Variants in ARNT2 observed in about 807,000 individuals in gnomAD.
The protein encoded by ARNT2 is aryl hydrocarbon receptor nuclear translocator 2, also known as ARNT protein 2.
In ARNT2, 36 loss-of-function variants were observed where a neutral mutation model predicts 91.7. The ratio of observed to expected loss-of-function variants is 0.39; its 90% CI spans 0.30 to 0.52. The LOEUF (loss-of-function observed/expected upper bound fraction) is 0.52. Ranked by LOEUF, ARNT2 falls within the 20% of genes least tolerant of loss-of-function variation. The pLI, the probability that ARNT2 is intolerant of heterozygous loss-of-function variation, is 0.72. For missense variants in ARNT2, 775 were observed against 939.3 expected (o/e 0.83, Z 2.29); for synonymous variants, 365 against 347.1 (o/e 1.05, Z -0.57).
At position 80,446,846 on chromosome 15, in the gene ARNT2, C is replaced by T. The variant is rs182743959; in HGVS notation, c.32-4034C>T. On this transcript the variant is annotated intron_variant, in intron 1 of 18. Coordinates refer to ENST00000303329, the MANE Select transcript of ARNT2 (RefSeq NM_014862.4). ...GACACTTACTATTTAAAAAGGGCTTCCCCTTCCTCTGTCTCTGTCTCATTC... is the reference window on the plus strand; with the variant it reads ...GACACTTACTATTTAAAAAGGGCTTTCCCTTCCTCTGTCTCTGTCTCATTC... 1.0e-3 allele frequency among the ~76,000 whole-genome samples: 156 copies of T among 152,274 alleles called. 1 individual carries two copies. Among genetic ancestry groups the T allele is most frequent in the Middle Eastern group, 0.01 (3 of 294 alleles).
intron 1 of ARNT2, among the ~76,000 whole-genome samples, chr15:80,416,482 C>T (rs909721676): frequency 2.6e-5 from 4 of 152,302 alleles, no homozygotes; most frequent in East Asian, 1.9e-4. Context: ...ATCTAATCCA[C>T]AGACCTTATT....
intron 11 of ARNT2, 93 bp from the exon 12 acceptor site, chr15:80,562,995 C>A: frequency 1.4e-6 from 2 of 1,438,982 alleles, no homozygotes; most frequent in South Asian, 2.4e-5. Flanking sequence ...TCCTGCTGGC[C>A]CCTGCCGCAA....
chr15:80,579,062 G>A (rs952558570), intron 15 of ARNT2, among the ~76,000 whole-genome samples: 1 of 152,230 alleles, frequency 6.6e-6, no homozygotes, highest in Non-Finnish European at 1.5e-5. Flanking sequence ...CTGTAGCCCA[G>A]AGGCCCCCAG....
chr15:80,412,220 A>G lies in ARNT2; in HGVS notation c.31+7674A>G, dbSNP rs182922008. On this transcript the variant is annotated intron_variant, in intron 1 of 18. Transcript: ENST00000303329. ...CTACAAAAATGCCAAAATGTTTACA[A>G]ATAGGTACTTCCTGCTTTTGTACAT... 2.6e-5 allele frequency among the ~76,000 whole-genome samples: 4 copies of G among 152,352 alleles called. No homozygotes were observed. In the East Asian group the frequency reaches 5.8e-4, roughly 22 times the overall value.
At chr15:80,423,004 A>G (rs962664081) in intron 1 of ARNT2, among the ~76,000 whole-genome samples, 1 of 152,192 alleles carries the variant, frequency 6.6e-6, no homozygotes, top group Admixed American at 6.5e-5. Flanking sequence ...ATCATACTTT[A>G]TATTATGTAG....
chr15:80,508,379 C>G lies in ARNT2; in HGVS notation c.725+121C>G, dbSNP rs980458103. The G allele has an allele frequency of 7.1e-6, 6 of 845,196 alleles. No individual in the cohort carries two copies. In the Admixed American group the frequency reaches 1.3e-4, roughly 18 times the overall value. 52.4% of individuals were successfully genotyped at this position (845,196 alleles called of 1,614,324 possible). ...TGCCAACGTGGGTTCACTCCAGGGA[C>G]TTCGTCTTCTTGACCTCAGCATGCA... On this transcript the variant is annotated intron_variant, in intron 6 of 18. Coordinates refer to ENST00000303329, the MANE Select transcript of ARNT2 (RefSeq NM_014862.4).
chr15:80,506,699 G>C (rs889423697), intron 5 of ARNT2, among the ~76,000 whole-genome samples: 1 of 152,168 alleles, frequency 6.6e-6, no homozygotes, highest in African/African-American at 2.4e-5. Flanking sequence ...ACATCTTGAT[G>C]TCCTCAGTAT....
At chr15:80,428,365 T>G (rs1895961316) in intron 1 of ARNT2, among the ~76,000 whole-genome samples, 1 of 152,226 alleles carries the variant, frequency 6.6e-6, no homozygotes, top group South Asian at 2.1e-4. Flanking sequence ...AATTTACAGA[T>G]GGAGAGGAAT....
chr15:80,461,782 G>A (rs535008422), intron 3 of ARNT2, among the ~76,000 whole-genome samples: 2 of 152,242 alleles, frequency 1.3e-5, no homozygotes, highest in East Asian at 3.9e-4. Context: ...CTGCCAAGGA[G>A]GCAAAAAGGA....
rs1893356556 is a variant in ARNT2 at position 80,595,231 on chromosome 15, C to T, written c.*1533C>T. ...CACCAGCCCATCAGCCCACTGACTC[C>T]CATATGGTAGAAAAGGTACCGTGGC... On this transcript the variant is annotated 3_prime_UTR_variant, in exon 19 of 19. Transcript: ENST00000303329. The T allele has an allele frequency of 6.6e-6, 1 of 152,270 alleles. No homozygotes were observed. The highest frequency in any genetic ancestry group is 1.5e-5 in the Non-Finnish European group (1 of 68,122). The allele number at this position is 152,270 out of a possible 1,614,324, so 9.4% of individuals were successfully genotyped here. A position where few individuals can be genotyped will look rare whatever the true frequency, so the allele number is the denominator to read the frequency against.
chr15:80,448,019 A>G (rs370009368), intron 1 of ARNT2, among the ~76,000 whole-genome samples: 2 of 152,230 alleles, frequency 1.3e-5, no homozygotes, highest in African/African-American at 4.8e-5. Context: ...GGCTCAAGCA[A>G]GATTGCTTAC....
chr15:80,543,296 A>G (rs936233917), intron 8 of ARNT2, among the ~76,000 whole-genome samples: 2 of 152,024 alleles, frequency 1.3e-5, no homozygotes, highest in Non-Finnish European at 2.9e-5. Flanking sequence ...CATTTTATGT[A>G]TAAGGTAACA....
At chr15:80,414,252 A>C (rs1895744808) in intron 1 of ARNT2, among the ~76,000 whole-genome samples, 1 of 152,326 alleles carries the variant, frequency 6.6e-6, no homozygotes, top group Non-Finnish European at 1.5e-5. Flanking sequence ...TAGGGGTGCT[A>C]CTGGCATCTA....
At chr15:80,555,307 G>C (rs112946240) in intron 11 of ARNT2, 168 bp downstream of exon 11, 14 of 619,410 alleles carry the variant, frequency 2.3e-5, no homozygotes, top group South Asian at 1.9e-4. Flanking sequence ...AGGGAAGACA[G>C]ACACACATCA....
chr15:80,497,742 G>A (rs1897140256), intron 5 of ARNT2, among the ~76,000 whole-genome samples: 1 of 150,896 alleles, frequency 6.6e-6, no homozygotes, highest in East Asian at 1.9e-4. Context: ...ATTTGAAATG[G>A]TAGAGCAGTG....
intron 9 of ARNT2, among the ~76,000 whole-genome samples, chr15:80,551,984 T>C (rs1460257818): frequency 1.3e-5 from 2 of 152,170 alleles, no homozygotes; most frequent in South Asian, 2.1e-4. Flanking sequence ...AGGTTAAATT[T>C]GCTCAATGTC....
rs201425682 is a variant in ARNT2 at position 80,480,761 on chromosome 15, TCCTG to T, written c.622+5558_622+5561del. Among the ~76,000 whole-genome samples the T allele has an allele frequency of 7.1e-3, 1,074 of 152,006 alleles. 13 individuals are homozygous for T. The highest frequency in any genetic ancestry group is 0.024 in the African/African-American group (1,001 of 41,452). On this transcript the variant is annotated intron_variant, in intron 5 of 18. Coordinates refer to ENST00000303329, the MANE Select transcript of ARNT2 (RefSeq NM_014862.4). ...CTCCCTCCCTTCCTCTCCCCATCCT[TCCTG>T]CCTGCCTGCCTGCCTGCCTTCTTTG... is the stretch of plus-strand genomic sequence containing the variant.
intron 3 of ARNT2, among the ~76,000 whole-genome samples, chr15:80,459,882 G>A (rs1198530587): frequency 6.6e-6 from 1 of 152,212 alleles, no homozygotes; most frequent in Non-Finnish European, 1.5e-5. Flanking sequence ...CCTAGGCTTA[G>A]CTGCTGGGCC....
intron 8 of ARNT2, among the ~76,000 whole-genome samples, chr15:80,523,281 G>A (rs1049624729): frequency 6.6e-6 from 1 of 152,212 alleles, no homozygotes; most frequent in Admixed American, 6.5e-5. Context: ...CTGGCTCCAG[G>A]GGTGGCAGTT....
Sources: gnomAD v4.1 joint callset for allele counts (sites outside exome capture counted in the v4.1 genomes callset) on GRCh38, gnomAD v4.1.1 for gene constraint, MANE v1.5 for transcripts, NCBI Gene and HGNC (gene_info 2026-07-23, HGNC 2026-07-21) for gene names.